RSPH14: variants seen among roughly 807,000 people sequenced by gnomAD.
RSPH14 encodes the protein radial spoke head 14 homolog.
In RSPH14, 20 loss-of-function variants were observed where a neutral mutation model predicts 26.7. The ratio of observed to expected loss-of-function variants is 0.75; its 90% confidence interval spans 0.53 to 1.09. RSPH14 has a LOEUF of 1.09. RSPH14 is among the 50% of genes least tolerant of loss of function. RSPH14 has a pLI of 0.00. For synonymous variants in RSPH14, 177 were observed against 189.3 expected (o/e 0.93, Z 0.53); for missense variants, 449 against 457.2 (o/e 0.98, Z 0.16).
chr22:23,064,751 G>C (rs1240138904), intron 4 of RSPH14, among the ~76,000 whole-genome samples: 2 of 152,198 alleles, frequency 1.3e-5, no homozygotes, highest in Non-Finnish European at 2.9e-5. Flanking sequence ...CTGGGGCTCT[G>C]TGGGAAGGGG....
intron 4 of RSPH14, among the ~76,000 whole-genome samples, chr22:23,086,115 C>T (rs541028174): frequency 2.0e-5 from 3 of 152,342 alleles, no homozygotes; most frequent in East Asian, 3.9e-4. Flanking sequence ...GAAAGTAGGA[C>T]TATGAAGTCA....
In RSPH14 at chr22:23,071,530, G is replaced by T. The variant is rs1208943684; in HGVS notation, c.422-7397C>A. 2.0e-5 allele frequency among the ~76,000 whole-genome samples: 3 copies of T among 152,222 alleles called. No homozygotes were observed. The highest frequency in any genetic ancestry group is 2.0e-4 in the Admixed American group (3 of 15,292). Reference sequence around the variant, plus strand: ...CCCTGCCCTGGGGATTGAGCTCTCTGGAGAAGGCTCCTTGGCCAAATTCAA... The same window carrying T: ...CCCTGCCCTGGGGATTGAGCTCTCTTGAGAAGGCTCCTTGGCCAAATTCAA... On this transcript the variant is annotated intron_variant, in intron 4 of 6. Transcript: ENST00000216036. The surrounding 1 kb of genome is among the most constrained non-coding windows in gnomAD (Gnocchi z 4.1).
chr22:23,107,874 G>A (rs1055117263), intron 4 of RSPH14, among the ~76,000 whole-genome samples: 3 of 152,160 alleles, frequency 2.0e-5, no homozygotes, highest in East Asian at 1.9e-4. Flanking sequence ...ATTGACCGAC[G>A]AAGCCACAGT....
chr22:23,157,580 C>T, the RSPH14 span, among the ~76,000 whole-genome samples: 1 of 152,208 alleles, frequency 6.6e-6, no homozygotes, highest in Non-Finnish European at 1.5e-5. Context: ...TTTAAAACAG[C>T]TGCTCTTGTT....
chr22:23,138,148 C>T (rs1569196936), intron 3 of RSPH14, among the ~76,000 whole-genome samples: 1 of 152,220 alleles, frequency 6.6e-6, no homozygotes, highest in African/African-American at 2.4e-5. Flanking sequence ...CTCACAGGGA[C>T]AGGAGCCAAA....
At chr22:23,090,005 T>G (rs780789317) in intron 4 of RSPH14, among the ~76,000 whole-genome samples, 3 of 152,136 alleles carry the variant, frequency 2.0e-5, no homozygotes, top group Non-Finnish European at 4.4e-5. Flanking sequence ...TATGTCGCAC[T>G]AAGTCCTAAG....
rs73384389 is a variant in RSPH14, at chr22:23,108,462, C to T, written c.421+25564G>A. 5.2e-3 allele frequency among the ~76,000 whole-genome samples: 799 copies of T among 152,348 alleles called. 9 individuals are homozygous for T. The highest frequency in any genetic ancestry group is 0.017 in the African/African-American group (715 of 41,576). ...TAGCACAGCAAAGGCCTCGAGGTGACAGAGACGGAAGCAGGAGTCAGGAGA... is the reference window on the plus strand; with the variant it reads ...TAGCACAGCAAAGGCCTCGAGGTGATAGAGACGGAAGCAGGAGTCAGGAGA... On this transcript the variant is annotated intron_variant, in intron 4 of 6. Coordinates refer to ENST00000216036, the MANE Select transcript of RSPH14 (RefSeq NM_014433.3).
chr22:23,070,292 G>A (rs1352260518), intron 4 of RSPH14: 2 of 146,086 alleles, frequency 1.4e-5, no homozygotes, highest in Non-Finnish European at 3.0e-5. Flanking sequence ...GCAACGGGCT[G>A]CGCTCGCGGC....
intron 4 of RSPH14, among the ~76,000 whole-genome samples, chr22:23,116,882 G>A (rs1008383801): frequency 3.9e-5 from 6 of 152,152 alleles, no homozygotes; most frequent in African/African-American, 1.2e-4. Context: ...CAAATATGCC[G>A]CACCTGGGAG....
chr22:23,120,794 T>C (rs1323398020), intron 4 of RSPH14, among the ~76,000 whole-genome samples: 1 of 152,096 alleles, frequency 6.6e-6, no homozygotes, highest in East Asian at 1.9e-4. Flanking sequence ...GCCCCAGGAC[T>C]CCCACCTCAA....
intron 4 of RSPH14, among the ~76,000 whole-genome samples, chr22:23,117,480 G>C (rs953296009): frequency 2.0e-5 from 3 of 152,242 alleles, no homozygotes; most frequent in Non-Finnish European, 4.4e-5. Flanking sequence ...GTCCGGCTGA[G>C]CTGGCCCTGC....
chr22:23,104,790 G>A (rs1258810111), intron 4 of RSPH14, among the ~76,000 whole-genome samples: 2 of 152,194 alleles, frequency 1.3e-5, no homozygotes, highest in Non-Finnish European at 2.9e-5. Context: ...GCAGCAGCAA[G>A]GCTCTGTGCT....
At chr22:23,144,529 C>CCT (rs753706847), upstream of RSPH14, among the ~76,000 whole-genome samples, 4 of 152,112 alleles carry the variant, frequency 2.6e-5, no homozygotes, top group Non-Finnish European at 4.4e-5. Flanking sequence ...ACCCCCTAAG[C>CCT]CTCAACCTTA....
At chr22:23,171,842 C>CAAAA in the RSPH14 span, among the ~76,000 whole-genome samples, 11 of 30,762 alleles carry the variant, frequency 3.6e-4, 2 homozygotes, top group East Asian at 1.2e-3. Flanking sequence ...AACTCTGTCT[C>CAAAA]AAAAAAAAAA....
the RSPH14 span, chr22:23,159,303 G>A: frequency 1.3e-6 from 2 of 1,514,822 alleles, no homozygotes; most frequent in Non-Finnish European, 1.8e-6. Flanking sequence ...CTGCTCTTGG[G>A]CCAGTCCTGT....
At position 23,060,313 on chromosome 22, in the gene RSPH14, T is replaced by C. The variant is rs189593030; in HGVS notation, c.791-595A>G. Among the ~76,000 whole-genome samples, 263 of 151,592 alleles carry C rather than the reference T, an allele frequency of 1.7e-3. 1 individual carries two copies. Among genetic ancestry groups the C allele is most frequent in the Non-Finnish European group, 3.1e-3 (208 of 67,872 alleles). On this transcript the variant is annotated intron_variant, in intron 6 of 6. Coordinates refer to ENST00000216036, the MANE Select transcript of RSPH14 (RefSeq NM_014433.3). ...AGTGAAACCCCGTCTCTATTAAAAA[T>C]ACAAAAAATTAGCCGGGCATGGTGG...
At chr22:23,094,998 C>T (rs904397191) in intron 4 of RSPH14, among the ~76,000 whole-genome samples, 7 of 152,200 alleles carry the variant, frequency 4.6e-5, no homozygotes, top group African/African-American at 1.2e-4. Context: ...GCAGAGGCCT[C>T]GCACACACCC....
chr22:23,116,462 G>C (rs563355295), intron 4 of RSPH14, among the ~76,000 whole-genome samples: 1 of 152,186 alleles, frequency 6.6e-6, no homozygotes, highest in African/African-American at 2.4e-5. Context: ...CCTCCCACCC[G>C]GCCCAGTCCC....
At chr22:23,105,475 C>G (rs2069440106) in intron 4 of RSPH14, among the ~76,000 whole-genome samples, 1 of 152,254 alleles carries the variant, frequency 6.6e-6, no homozygotes, top group Admixed American at 6.5e-5. Flanking sequence ...GAGGGGTTCA[C>G]AAGCCCTTGA....
Sources: gnomAD v4.1 joint callset for allele counts (sites outside exome capture counted in the v4.1 genomes callset) on GRCh38, gnomAD v4.1.1 for gene constraint, Gnocchi (gnomAD v3.1) non-coding constraint, MANE v1.5 for transcripts, NCBI Gene and HGNC (gene_info 2026-07-23, HGNC 2026-07-21) for gene names.